Variants in SOAT1 observed in about 807,000 individuals in gnomAD.
SOAT1 encodes the protein acyl-coenzyme A:cholesterol acyltransferase 1.
In SOAT1, 55 loss-of-function variants were observed where a neutral mutation model predicts 69.5. That is an observed-to-expected ratio of 0.79 (90% CI 0.64 to 0.99). The LOEUF (loss-of-function observed/expected upper bound fraction) is 0.99. SOAT1 is among the 50% of genes least tolerant of loss of function. The pLI is 0.00. For synonymous variants in SOAT1, 231 were observed against 224.7 expected (o/e 1.03, Z -0.25); for missense variants, 580 against 669.3 (o/e 0.87, Z 1.47).
At chr1:179,327,074 C>T (rs925593739) in intron 3 of SOAT1, among the ~76,000 whole-genome samples, 2 of 152,190 alleles carry the variant, frequency 1.3e-5, no homozygotes, top group Non-Finnish European at 2.9e-5. Flanking sequence ...GCTTTATATA[C>T]ACAATCTTAC....
At chr1:179,294,668 A>C (rs1208782476) in intron 1 of SOAT1, among the ~76,000 whole-genome samples, 4 of 152,068 alleles carry the variant, frequency 2.6e-5, no homozygotes, top group Admixed American at 1.3e-4. Context: ...AGTAGCTGGG[A>C]TTACAGGCGT....
chr1:179,337,475 A>G (rs1334401187), intron 4 of SOAT1, among the ~76,000 whole-genome samples: 1 of 151,996 alleles, frequency 6.6e-6, no homozygotes. Flanking sequence ...CTCTACAAGA[A>G]GGAAAAGTGA....
chr1:179,342,338 T>TTTTTC (rs1332693525), intron 8 of SOAT1, 146 bp downstream of exon 8: 2 of 558,888 alleles, frequency 3.6e-6, no homozygotes, highest in East Asian at 2.9e-5. Flanking sequence ...TCTCTCTCTC[T>TTTTTC]TTTTCTTTTC....
In SOAT1 at chr1:179,353,731, TG is replaced by T; in HGVS notation, c.*91del. 3 of 1,130,408 alleles carry T rather than the reference TG, an allele frequency of 2.7e-6. No individual in the cohort carries two copies. The highest frequency in any genetic ancestry group is 2.6e-5 in the South Asian group (2 of 78,298). 70.0% of individuals were successfully genotyped at this position (1,130,408 alleles called of 1,614,324 possible). A position where few individuals can be genotyped will look rare whatever the true frequency, so the allele number is the denominator to read the frequency against. ...GTTTCCAGTTGTTACTGAAGTTATC[TG>T]TGTTATTTGGACCACTCCAGGCTTT... is the stretch of plus-strand genomic sequence containing the variant. On this transcript the variant is annotated 3_prime_UTR_variant, in exon 16 of 16. Transcript: ENST00000367619.
At chr1:179,308,814 AT>A (rs954865108) in intron 2 of SOAT1, among the ~76,000 whole-genome samples, 14 of 148,768 alleles carry the variant, frequency 9.4e-5, no homozygotes, top group Admixed American at 8.2e-4. Flanking sequence ...CTCAAGTAAC[AT>A]TTTTTTTTAC....
intron 1 of SOAT1, among the ~76,000 whole-genome samples, chr1:179,298,751 T>C (rs1664736855): frequency 6.6e-6 from 1 of 152,208 alleles, no homozygotes; most frequent in African/African-American, 2.4e-5. Context: ...GTGTTCATTA[T>C]CTCATGTAAT....
At chr1:179,343,031 A>G in intron 9 of SOAT1, 88 bp downstream of exon 9, 1 of 963,358 alleles carries the variant, frequency 1.0e-6, no homozygotes, top group Non-Finnish European at 1.7e-6. Flanking sequence ...CAGTTCATGT[A>G]GGGACATAGA....
chr1:179,348,718 A>G, intron 12 of SOAT1, 126 bp from the exon 13 acceptor site: 1 of 642,760 alleles, frequency 1.6e-6, no homozygotes, highest in Non-Finnish European at 2.8e-6. Flanking sequence ...TTTCTGTTAC[A>G]TATGTTCTTT....
intron 2 of SOAT1, among the ~76,000 whole-genome samples, chr1:179,313,922 G>T (rs1488968985): frequency 6.6e-6 from 1 of 152,162 alleles, no homozygotes; most frequent in African/African-American, 2.4e-5. Context: ...GATCAGGAAT[G>T]TAACTGGTGG....
chr1:179,325,452 T>A (rs1665757027), intron 3 of SOAT1, among the ~76,000 whole-genome samples: 2 of 152,170 alleles, frequency 1.3e-5, no homozygotes, highest in South Asian at 4.1e-4. Context: ...ACGCTCGGCC[T>A]AAAATAAATT....
intron 1 of SOAT1, among the ~76,000 whole-genome samples, chr1:179,295,506 C>G (rs1664600856): frequency 1.3e-5 from 2 of 152,136 alleles, no homozygotes; most frequent in African/African-American, 4.8e-5. Context: ...AGGGTCTGGT[C>G]CAGCACTTGG....
intron 2 of SOAT1, among the ~76,000 whole-genome samples, chr1:179,313,526 A>G (rs1665288477): frequency 6.6e-6 from 1 of 150,704 alleles, no homozygotes; most frequent in Non-Finnish European, 1.5e-5. Context: ...ATGTGTATAT[A>G]TATATGTATA....
At chr1:179,320,973 T>C (rs1258172424) in intron 2 of SOAT1, among the ~76,000 whole-genome samples, 1 of 152,002 alleles carries the variant, frequency 6.6e-6, no homozygotes, top group African/African-American at 2.4e-5. Flanking sequence ...TGGCGCGATC[T>C]TGTCTTACTG....
chr1:179,317,350 A>G (rs376730566), intron 2 of SOAT1, among the ~76,000 whole-genome samples: 10 of 152,130 alleles, frequency 6.6e-5, no homozygotes, highest in African/African-American at 2.4e-4. Flanking sequence ...TGGCTAACAC[A>G]GTGAAACCCT....
chr1:179,337,766 T>C (rs973207290), intron 4 of SOAT1, 71 bp from the exon 5 acceptor site: 3 of 1,125,798 alleles, frequency 2.7e-6, no homozygotes, highest in Admixed American at 2.3e-5. Flanking sequence ...GTATATTCTC[T>C]TGTCTGTGGG....
intron 5 of SOAT1, among the ~76,000 whole-genome samples, chr1:179,338,457 T>C (rs1666230757): frequency 6.6e-6 from 1 of 152,190 alleles, no homozygotes; most frequent in Admixed American, 6.5e-5. Context: ...AAAAGACATC[T>C]TATGCTTATC....
rs10568516 is a variant in SOAT1 at position 179,326,550 on chromosome 1, C to CTTTTTTTTTTTTTTTTTTTTTTTTTTT, written c.177+3080_177+3081insTTTTTTTTTTTTTTTTTTTTTTTTTTT. 7.5e-5 allele frequency among the ~76,000 whole-genome samples: 8 copies of CTTTTTTTTTTTTTTTTTTTTTTTTTTT among 106,258 alleles called. 1 individual carries two copies. The highest frequency in any genetic ancestry group is 9.7e-5 in the Non-Finnish European group (5 of 51,562). The allele number at this position is 106,258 out of a possible 152,430, so 69.7% of individuals were successfully genotyped here. On this transcript the variant is annotated intron_variant, in intron 3 of 15. Coordinates refer to ENST00000367619, the MANE Select transcript of SOAT1 (RefSeq NM_003101.6). ...TTGTTTATTAATTGTAATTTCTTTT[C>CTTTTTTTTTTTTTTTTTTTTTTTTTTT]TTTTTTTTTTTTTTTTTTTTTTTTT...
chr1:179,341,414 A>G (rs888306620), intron 7 of SOAT1, 104 bp downstream of exon 7: 22 of 1,144,892 alleles, frequency 1.9e-5, no homozygotes, highest in Non-Finnish European at 2.6e-5. Flanking sequence ...TAACTTGGAT[A>G]AATTTTCATA....
chr1:179,309,032 C>T (rs1008967981), intron 2 of SOAT1, among the ~76,000 whole-genome samples: 1 of 152,190 alleles, frequency 6.6e-6, no homozygotes, highest in African/African-American at 2.4e-5. Flanking sequence ...AGCAGTGCTA[C>T]AGAGAGCATC....
Sources: allele counts gnomAD v4.1 joint callset (sites outside exome capture counted in the v4.1 genomes callset), GRCh38; gene constraint gnomAD v4.1.1; transcripts MANE v1.5; gene names NCBI Gene and HGNC (gene_info 2026-07-23, HGNC 2026-07-21).